The following TYW1 variants were observed in gnomAD, a reference collection of about 807,000 sequenced individuals.
TYW1 encodes tRNA-yW synthesizing protein 1 homolog, also known as S-adenosyl-L-methionine-dependent tRNA 4-demethylwyosine synthase TYW1.
A neutral mutation model predicts 96.2 loss-of-function variants in TYW1; 46 were observed. That is an observed-to-expected ratio of 0.48 (90% CI 0.38 to 0.61). The LOEUF is 0.61. Ranked by LOEUF, TYW1 falls within the 20% of genes least tolerant of loss-of-function variation. The pLI, the probability that TYW1 is intolerant of heterozygous loss-of-function variation, is 0.00. For missense variants in TYW1, 684 were observed against 909.6 expected (o/e 0.75, Z 3.19); for synonymous variants, 274 against 323.0 (o/e 0.85, Z 1.63).
intron 10 of TYW1, among the ~76,000 whole-genome samples, chr7:67,072,695 A>G (rs1022062703): frequency 6.6e-6 from 1 of 152,192 alleles, no homozygotes; most frequent in African/African-American, 2.4e-5. Flanking sequence ...CCTAGCCATC[A>G]TATTGTTTTA....
At chr7:67,008,851 G>A (rs561232223) in intron 3 of TYW1, among the ~76,000 whole-genome samples, 4 of 151,838 alleles carry the variant, frequency 2.6e-5, no homozygotes, top group East Asian at 1.9e-4. Context: ...TAGTAGAGAC[G>A]GGGTTTTACC....
At chr7:67,140,223 G>T (rs1374217192) in intron 13 of TYW1, among the ~76,000 whole-genome samples, 3 of 152,180 alleles carry the variant, frequency 2.0e-5, no homozygotes, top group Non-Finnish European at 4.4e-5. Flanking sequence ...CAACATGTGG[G>T]AATTCAAGAT....
chr7:67,188,866 A>C (rs1278888157), intron 14 of TYW1, among the ~76,000 whole-genome samples: 2 of 152,156 alleles, frequency 1.3e-5, no homozygotes, highest in African/African-American at 4.8e-5. Flanking sequence ...AATGCTGTTC[A>C]TACCCTTTGT....
intron 15 of TYW1, among the ~76,000 whole-genome samples, chr7:67,196,711 G>A (rs1477795639): frequency 1.3e-5 from 2 of 151,752 alleles, no homozygotes; most frequent in Non-Finnish European, 2.9e-5. Context: ...ACCATTGGCA[G>A]TATTCAAAGG....
chr7:67,049,332 C>T (rs976846252), intron 7 of TYW1, among the ~76,000 whole-genome samples: 12 of 152,066 alleles, frequency 7.9e-5, no homozygotes, highest in African/African-American at 1.2e-4. Flanking sequence ...GCTATCTGTA[C>T]TGAGATTGCT....
chr7:67,164,801 T>C (rs1359284717), intron 13 of TYW1, among the ~76,000 whole-genome samples: 2 of 152,084 alleles, frequency 1.3e-5, no homozygotes, highest in African/African-American at 4.8e-5. Context: ...ATAACATCTT[T>C]AGTGTTAGCT....
intron 13 of TYW1, among the ~76,000 whole-genome samples, chr7:67,134,014 C>T (rs1798168284): frequency 6.6e-6 from 1 of 151,898 alleles, no homozygotes; most frequent in Non-Finnish European, 1.5e-5. Context: ...TTGTTTTTTT[C>T]CATAGCAGCA....
intron 8 of TYW1, among the ~76,000 whole-genome samples, chr7:67,055,301 A>G (rs1584507310): frequency 6.6e-6 from 1 of 152,104 alleles, no homozygotes; most frequent in East Asian, 1.9e-4. Flanking sequence ...TTTTGGATTA[A>G]TTTATTGTTT....
At chr7:67,125,778 T>A (rs1385480571) in intron 13 of TYW1, among the ~76,000 whole-genome samples, 1 of 152,236 alleles carries the variant, frequency 6.6e-6, no homozygotes, top group East Asian at 1.9e-4. Flanking sequence ...ACTGTCTGCG[T>A]AGCTTTGCCT....
At chr7:67,179,440 G>T (rs1268017861) in intron 13 of TYW1, among the ~76,000 whole-genome samples, 4 of 135,346 alleles carry the variant, frequency 3.0e-5, no homozygotes, top group African/African-American at 9.0e-5. Flanking sequence ...TACTGCTTGG[G>T]TTCACACCCC....
intron 3 of TYW1, among the ~76,000 whole-genome samples, chr7:67,008,686 G>C (rs1453108466): frequency 6.6e-6 from 1 of 151,756 alleles, no homozygotes; most frequent in Non-Finnish European, 1.5e-5. Flanking sequence ...ATTTATTTTG[G>C]AGATGGAGTT....
At chr7:67,222,866 C>CT (rs570972265) in intron 15 of TYW1, among the ~76,000 whole-genome samples, 1,756 of 109,592 alleles carry the variant, frequency 0.016, 13 homozygotes, top group Middle Eastern at 0.047. Context: ...CGCTTTTTTT[C>CT]TTTTTTTTTT....
chr7:67,032,670 A>G (rs1011717439), intron 7 of TYW1, among the ~76,000 whole-genome samples: 1 of 151,974 alleles, frequency 6.6e-6, no homozygotes, highest in African/African-American at 2.4e-5. Flanking sequence ...CACTGCTGTC[A>G]TAGAGGTCTT....
At chr7:67,137,380 C>T (rs1424498928) in intron 13 of TYW1, among the ~76,000 whole-genome samples, 1 of 151,822 alleles carries the variant, frequency 6.6e-6, no homozygotes, top group Non-Finnish European at 1.5e-5. Flanking sequence ...CTTTGGGAGG[C>T]CGAGGTGGGA....
At chr7:67,094,651 A>AGTGTGTGTGTGTGTGT (rs56069939) in intron 11 of TYW1, among the ~76,000 whole-genome samples, 22 of 141,716 alleles carry the variant, frequency 1.6e-4, no homozygotes, top group African/African-American at 1.8e-4. Context: ...AGAGAATTAG[A>AGTGTGTGTGTGTGTGT]GTGTGTGTGT....
At chr7:67,223,827 T>C (rs1801473055) in intron 15 of TYW1, among the ~76,000 whole-genome samples, 1 of 150,796 alleles carries the variant, frequency 6.6e-6, no homozygotes, top group Non-Finnish European at 1.5e-5. Flanking sequence ...TGACTGAAAA[T>C]AACTGCAATT....
chr7:67,139,990 T>C (rs1462338555), intron 13 of TYW1, among the ~76,000 whole-genome samples: 1 of 151,942 alleles, frequency 6.6e-6, no homozygotes, highest in East Asian at 1.9e-4. Flanking sequence ...TAATGGGACT[T>C]ACAGTTCCAC....
intron 15 of TYW1, among the ~76,000 whole-genome samples, chr7:67,202,955 T>A (rs1303674983): frequency 6.6e-6 from 1 of 152,186 alleles, no homozygotes; most frequent in Admixed American, 6.5e-5. Context: ...AATCAGGAAA[T>A]AGACATTGGT....
At chr7:67,094,242 C>T (rs1293341038) in intron 11 of TYW1, among the ~76,000 whole-genome samples, 2 of 152,068 alleles carry the variant, frequency 1.3e-5, no homozygotes, top group Admixed American at 1.3e-4. Context: ...TCCAGTCAAC[C>T]GTTGATGGAC....
Sources: gnomAD v4.1 joint callset for allele counts (sites outside exome capture counted in the v4.1 genomes callset) on GRCh38, gnomAD v4.1.1 for gene constraint, MANE v1.5 for transcripts, NCBI Gene and HGNC (gene_info 2026-07-23, HGNC 2026-07-21) for gene names.